KLF17: variants seen among roughly 807,000 people sequenced by gnomAD.
KLF17 encodes the protein KLF transcription factor 17, also known as Krueppel-like factor 17.
Under a neutral mutation model 34.2 loss-of-function variants are expected in KLF17, and 31 were observed. The observed-to-expected ratio is 0.91, with a 90% CI of 0.68 to 1.22. The LOEUF (loss-of-function observed/expected upper bound fraction) is 1.22. Among genes scored for constraint, KLF17 ranks in the 50% most tolerant of loss-of-function variants. The pLI is 0.00. For synonymous variants in KLF17, 179 were observed against 186.7 expected, an observed-to-expected ratio of 0.96 and a Z score of 0.34; for missense variants, 478 against 505.2, an observed-to-expected ratio of 0.95 and a Z score of 0.52.
the KLF17 span, chr1:44,113,727 A>G: frequency 1.3e-5 from 2 of 152,250 alleles, no homozygotes; most frequent in African/African-American, 2.4e-5. Flanking sequence ...AATGGATATG[A>G]TAATCCTTTC....
chr1:44,130,920 C>T (rs1420771938), intron 3 of KLF17, among the ~76,000 whole-genome samples, 164 bp downstream of exon 3: 18 of 152,156 alleles, frequency 1.2e-4, no homozygotes, highest in African/African-American at 4.1e-4. Context: ...CTCAGCCTCC[C>T]GAGTAGCTAG....
At chr1:44,120,977 A>G (rs1253398542) in intron 1 of KLF17, among the ~76,000 whole-genome samples, 2 of 152,220 alleles carry the variant, frequency 1.3e-5, no homozygotes, top group African/African-American at 4.8e-5. Context: ...CCTGGGCAAC[A>G]TAGTGAGATC....
At chr1:44,121,227 G>A (rs984273711) in intron 1 of KLF17, among the ~76,000 whole-genome samples, 3 of 151,958 alleles carry the variant, frequency 2.0e-5, no homozygotes, top group East Asian at 1.9e-4. Flanking sequence ...AGCAATTCTC[G>A]TGCCTCAGCC....
At chr1:44,082,218 A>G in the KLF17 span, among the ~76,000 whole-genome samples, 1,610 of 152,340 alleles carry the variant, frequency 0.011, 10 homozygotes, top group South Asian at 0.022. Flanking sequence ...GTAAATGATC[A>G]CCAACAGTCT....
At chr1:44,079,300 T>C in the KLF17 span, among the ~76,000 whole-genome samples, 1 of 150,652 alleles carries the variant, frequency 6.6e-6, no homozygotes, top group Non-Finnish European at 1.5e-5. Flanking sequence ...TCTTTTCTTT[T>C]CTTCTCCTTT....
the KLF17 span, among the ~76,000 whole-genome samples, chr1:44,101,773 T>A: frequency 6.6e-6 from 1 of 152,178 alleles, no homozygotes; most frequent in Admixed American, 6.5e-5. Flanking sequence ...ATGCCTGTAA[T>A]CCCAGCACTT....
chr1:44,093,730 C>T, the KLF17 span, among the ~76,000 whole-genome samples: 9 of 152,262 alleles, frequency 5.9e-5, no homozygotes, highest in Admixed American at 3.3e-4. Flanking sequence ...TGATGTTCAA[C>T]GTCAGTGCTT....
At chr1:44,068,563 G>A in the KLF17 span, among the ~76,000 whole-genome samples, 1 of 152,182 alleles carries the variant, frequency 6.6e-6, no homozygotes, top group African/African-American at 2.4e-5. Context: ...CCTTGGCCTT[G>A]ATCTCAAGCT....
At chr1:44,102,613 C>CAG in the KLF17 span, among the ~76,000 whole-genome samples, 1 of 87,162 alleles carries the variant, frequency 1.1e-5, no homozygotes, top group African/African-American at 3.7e-5. Flanking sequence ...CACACACACA[C>CAG]AGAAAAGAAA....
the KLF17 span, among the ~76,000 whole-genome samples, chr1:44,080,591 C>T: frequency 1.3e-5 from 2 of 152,048 alleles, no homozygotes; most frequent in Non-Finnish European, 1.5e-5. Flanking sequence ...GCTGATAAAG[C>T]ATGTCCTTCC....
At chr1:44,079,800 T>C in the KLF17 span, among the ~76,000 whole-genome samples, 22 of 152,242 alleles carry the variant, frequency 1.4e-4, no homozygotes, top group South Asian at 4.2e-4. Flanking sequence ...GGAAAGAACA[T>C]CCTTCCCCTA....
At position 44,129,921 on chromosome 1, in the gene KLF17, C is replaced by T. The variant is rs1249920439; in HGVS notation, c.650C>T (p.Ala217Val). ...GCTCAGATGTTGCCCCCGCAAGATG[C>T]CCATGACCTTGGGATGCCCCCAGCT... is the stretch of plus-strand genomic sequence containing the variant. ...SMAQMLPPQDAHDLGMPPAES... is the reference protein window; with the variant it reads ...SMAQMLPPQDVHDLGMPPAES... The change falls in exon 2 of 4, where the codon GCC (alanine) becomes GTC (valine). Residue 217 changes from alanine to valine, a missense_variant. Ala to Val is a moderately conservative substitution (Grantham distance 64). Transcript: ENST00000372299. 6.2e-7 allele frequency: 1 copy of T among 1,614,226 alleles called. No individual in the cohort carries two copies. Among genetic ancestry groups the T allele is most frequent in the Admixed American group, 1.7e-5 (1 of 60,026 alleles).
chr1:44,128,339 C>T (rs557234482), intron 1 of KLF17, among the ~76,000 whole-genome samples: 4 of 152,264 alleles, frequency 2.6e-5, no homozygotes, highest in South Asian at 2.1e-4. Context: ...TGAGCCGCTG[C>T]GCCTGGACTA....
At chr1:44,128,349 A>G (rs2088053337) in intron 1 of KLF17, among the ~76,000 whole-genome samples, 1 of 152,108 alleles carries the variant, frequency 6.6e-6, no homozygotes, top group African/African-American at 2.4e-5. Context: ...CGCCTGGACT[A>G]CTGACAGCTT....
chr1:44,128,351 T>C (rs959033278), intron 1 of KLF17, among the ~76,000 whole-genome samples: 9 of 152,316 alleles, frequency 5.9e-5, no homozygotes, highest in Middle Eastern at 3.4e-3. Context: ...CCTGGACTAC[T>C]GACAGCTTTT....
chr1:44,085,918 G>A, the KLF17 span, among the ~76,000 whole-genome samples: 2 of 151,802 alleles, frequency 1.3e-5, no homozygotes, highest in East Asian at 1.9e-4. Flanking sequence ...GCTTTTCACT[G>A]AGGTAGACTG....
the KLF17 span, among the ~76,000 whole-genome samples, chr1:44,075,524 CG>C: frequency 6.6e-6 from 1 of 151,932 alleles, no homozygotes; most frequent in Non-Finnish European, 1.5e-5. Flanking sequence ...ATTATTAGAC[CG>C]GGGTCTAATA....
chr1:44,091,918 A>G, the KLF17 span, among the ~76,000 whole-genome samples: 1 of 148,608 alleles, frequency 6.7e-6, no homozygotes, highest in East Asian at 2.0e-4. Context: ...TGTCTCAAAA[A>G]AAAAAAAAAC....
chr1:44,090,418 G>A, the KLF17 span, among the ~76,000 whole-genome samples: 24 of 149,364 alleles, frequency 1.6e-4, 1 homozygote, highest in Middle Eastern at 3.4e-3. Flanking sequence ...CTGGATGACA[G>A]AGAATTCCTA....
Sources: gnomAD v4.1 joint callset for allele counts (sites outside exome capture counted in the v4.1 genomes callset) on GRCh38, gnomAD v4.1.1 for gene constraint, MANE v1.5 for transcripts, NCBI Gene and HGNC (gene_info 2026-07-23, HGNC 2026-07-21) for gene names.